Variants in CDS1 observed in about 807,000 individuals in gnomAD.
CDS1 encodes the protein CDP-diacylglycerol synthase 1, also known as phosphatidate cytidylyltransferase 1.
A neutral mutation model predicts 62.1 loss-of-function variants in CDS1; 41 were observed. The ratio of observed to expected loss-of-function variants is 0.66; its 90% CI spans 0.51 to 0.86. CDS1 has a LOEUF of 0.86. CDS1 is among the 40% of genes least tolerant of loss of function. CDS1 has a pLI of 0.00. For synonymous variants in CDS1, 185 were observed against 192.6 expected (o/e 0.96, Z 0.32); for missense variants, 470 against 550.1 (o/e 0.85, Z 1.46).
intron 1 of CDS1, among the ~76,000 whole-genome samples, chr4:84,586,176 A>C (rs779216837): frequency 2.0e-5 from 3 of 152,150 alleles, no homozygotes; most frequent in Non-Finnish European, 4.4e-5. Context: ...GTGGTCCCCA[A>C]ATTTTTTGGC....
chr4:84,595,249 A>G (rs532344317), intron 1 of CDS1, among the ~76,000 whole-genome samples: 27 of 152,274 alleles, frequency 1.8e-4, no homozygotes, highest in African/African-American at 6.0e-4. Context: ...CTAAAGGTTA[A>G]TAAGGAAGGG....
intron 5 of CDS1, among the ~76,000 whole-genome samples, chr4:84,627,801 A>G (rs1252907875): frequency 1.3e-5 from 2 of 152,184 alleles, no homozygotes; most frequent in Non-Finnish European, 2.9e-5. Flanking sequence ...CTTTTATATC[A>G]GAGGATATTA....
At chr4:84,600,939 CA>C (rs1234347810) in intron 1 of CDS1, among the ~76,000 whole-genome samples, 1 of 151,940 alleles carries the variant, frequency 6.6e-6, no homozygotes, top group Non-Finnish European at 1.5e-5. Flanking sequence ...GAGGCCAAGG[CA>C]GGTGGATTGC....
In CDS1 at chr4:84,583,219, A is replaced by G. The variant is rs1350413167; in HGVS notation, c.-183A>G. ...GGCGGCCTCGAGCGCTCTCTCGTTG[A>G]TGCCGTTTTGGAGGTGACCGGCGCG... On this transcript the variant is annotated 5_prime_UTR_variant, in exon 1 of 13. It removes an upstream start codon present in the reference 5' UTR. Transcript: ENST00000295887. The G allele has an allele frequency of 3.9e-6, 2 of 516,846 alleles. No individual in the cohort carries two copies. Among genetic ancestry groups the G allele is most frequent in the Non-Finnish European group, 6.8e-6 (2 of 294,984 alleles). 32.0% of individuals were successfully genotyped at this position (516,846 alleles called of 1,614,324 possible).
At chr4:84,639,399 C>T (rs1165882802) in intron 9 of CDS1, among the ~76,000 whole-genome samples, 1 of 152,242 alleles carries the variant, frequency 6.6e-6, no homozygotes, top group African/African-American at 2.4e-5. Context: ...TTGAAAAGCT[C>T]TGCCTTCTTA....
chr4:84,643,657 C>T (rs1038540754), intron 11 of CDS1, among the ~76,000 whole-genome samples: 5 of 152,134 alleles, frequency 3.3e-5, no homozygotes, highest in Non-Finnish European at 7.4e-5. Context: ...AGTGAGAAAG[C>T]CCCCCGTGGA....
At chr4:84,609,953 T>G (rs11944769) in intron 3 of CDS1, among the ~76,000 whole-genome samples, 11,652 of 151,656 alleles carry the variant, frequency 0.077, 809 homozygotes, top group African/African-American at 0.18. Context: ...GGGAGGTTGA[T>G]GCTGCTGTGA....
intron 2 of CDS1, among the ~76,000 whole-genome samples, chr4:84,606,828 G>A (rs1723108652): frequency 6.6e-6 from 1 of 152,190 alleles, no homozygotes; most frequent in African/African-American, 2.4e-5. Flanking sequence ...CTACAGGCAT[G>A]AGCCAACATG....
intron 5 of CDS1, among the ~76,000 whole-genome samples, chr4:84,623,992 C>T (rs938697530): frequency 1.1e-4 from 17 of 151,890 alleles, no homozygotes; most frequent in African/African-American, 3.9e-4. Context: ...GTTTTTTTTG[C>T]TGGGCGCAGT....
chr4:84,599,185 C>T (rs948063251), intron 1 of CDS1, among the ~76,000 whole-genome samples: 4 of 151,920 alleles, frequency 2.6e-5, no homozygotes, highest in Admixed American at 6.6e-5. Flanking sequence ...TGTGTCCTCC[C>T]GTGGTGGAGA....
In CDS1 at chr4:84,605,621, A is replaced by C. The variant is rs76981871; in HGVS notation, c.245+1251A>C. Among the ~76,000 whole-genome samples, 1,456 of 152,224 alleles carry C rather than the reference A, an allele frequency of 9.6e-3. 152 individuals carry two copies. The East Asian group carries it at 0.24, about 25-fold the overall frequency. On this transcript the variant is annotated intron_variant, in intron 2 of 12. Transcript: ENST00000295887. Reference sequence around the variant, plus strand: ...AATTCCCAGATATAACTTTGCATTAAAATCTCATCAAGTCTATCTCAGACC... The same window carrying C: ...AATTCCCAGATATAACTTTGCATTACAATCTCATCAAGTCTATCTCAGACC...
chr4:84,624,902 C>G (rs563710597), intron 5 of CDS1, among the ~76,000 whole-genome samples: 73 of 152,084 alleles, frequency 4.8e-4, no homozygotes, highest in Non-Finnish European at 3.8e-4. Context: ...ACTCCATTGC[C>G]CAGGCTGGAG....
intron 12 of CDS1, among the ~76,000 whole-genome samples, chr4:84,645,656 G>A (rs1946998): frequency 0.77 from 117,100 of 152,066 alleles, 46,103 homozygotes; most frequent in African/African-American, 0.94. Flanking sequence ...GTTAAAAAGG[G>A]AGATAACGAA....
At chr4:84,626,515 G>T (rs1055392363) in intron 5 of CDS1, among the ~76,000 whole-genome samples, 4 of 152,100 alleles carry the variant, frequency 2.6e-5, no homozygotes, top group African/African-American at 7.2e-5. Flanking sequence ...TGAATTCCTG[G>T]ACTCAACTTA....
chr4:84,618,546 T>C (rs1180681781), intron 4 of CDS1, among the ~76,000 whole-genome samples: 1 of 152,212 alleles, frequency 6.6e-6, no homozygotes, highest in African/African-American at 2.4e-5. Flanking sequence ...AAGTTTTGGA[T>C]AAAGAAGAGT....
intron 1 of CDS1, among the ~76,000 whole-genome samples, chr4:84,593,405 T>G (rs910833410): frequency 6.6e-6 from 1 of 152,182 alleles, no homozygotes; most frequent in Non-Finnish European, 1.5e-5. Flanking sequence ...TTCAAATGTA[T>G]GATTATTTGA....
chr4:84,589,409 A>G (rs532458594), intron 1 of CDS1, among the ~76,000 whole-genome samples: 11 of 152,306 alleles, frequency 7.2e-5, no homozygotes, highest in Non-Finnish European at 1.3e-4. Context: ...ACTTCACTAC[A>G]GGTTGTGCTG....
In CDS1 at chr4:84,619,543, G is replaced by T; in HGVS notation, c.580+10G>T. The T allele has an allele frequency of 6.6e-7, 1 of 1,521,276 alleles. No individual in the cohort carries two copies. The highest frequency in any genetic ancestry group is 9.0e-7 in the Non-Finnish European group (1 of 1,112,818). The allele number at this position is 1,521,276 out of a possible 1,614,324, so 94.2% of individuals were successfully genotyped here. ...GCCCTCTATCTGGCAGGTAAGTTAA[G>T]GAATATTCTGTATTGATATATAGTT... On this transcript the variant is annotated intron_variant, in intron 5 of 12. Transcript: ENST00000295887.
intron 1 of CDS1, among the ~76,000 whole-genome samples, chr4:84,601,770 G>A (rs371998038): frequency 1.3e-5 from 2 of 151,822 alleles, no homozygotes; most frequent in African/African-American, 2.4e-5. Flanking sequence ...AAAATTAGCC[G>A]GGCCTGGTGG....
Sources: allele counts gnomAD v4.1 joint callset (sites outside exome capture counted in the v4.1 genomes callset), GRCh38; gene constraint gnomAD v4.1.1; transcripts MANE v1.5; gene names NCBI Gene and HGNC (gene_info 2026-07-23, HGNC 2026-07-21).